The following CDS2 variants were observed in gnomAD, a reference collection of about 807,000 sequenced individuals.
CDS2 encodes phosphatidate cytidylyltransferase 2.
CDS2 carries 47 observed loss-of-function variants against 59.0 expected under a neutral mutation model. The ratio of observed to expected loss-of-function variants is 0.80; its 90% CI spans 0.63 to 1.02. CDS2 has a LOEUF of 1.02. Ranked by LOEUF, CDS2 falls within the 50% of genes least tolerant of loss-of-function variation. The pLI is 0.00. For missense variants in CDS2, 356 were observed against 558.9 expected (o/e 0.64, Z 3.66); for synonymous variants, 207 against 206.4 (o/e 1.00, Z -0.02).
chr20:5,149,789 C>T (rs967454671), intron 1 of CDS2, among the ~76,000 whole-genome samples: 9 of 152,002 alleles, frequency 5.9e-5, no homozygotes, highest in Non-Finnish European at 1.2e-4. Context: ...GATCTTGACT[C>T]ACTGCAACCT....
At position 5,190,277 on chromosome 20, in the gene CDS2, G is replaced by A. The variant is rs1465923664; in HGVS notation, c.*43G>A. Reference sequence around the variant, plus strand: ...GAGAACAGGAACAGAACTGAGCAGGGGCAGGTCTCCAAGGCAAGCCCAGCT... The same window carrying A: ...GAGAACAGGAACAGAACTGAGCAGGAGCAGGTCTCCAAGGCAAGCCCAGCT... On this transcript the variant is annotated 3_prime_UTR_variant, in exon 13 of 13. Transcript: ENST00000460006. 2 of 1,575,610 alleles carry A rather than the reference G, an allele frequency of 1.3e-6. No homozygotes were observed. The highest frequency in any genetic ancestry group is 1.3e-5 in the African/African-American group (1 of 74,228).
At chr20:5,169,965 G>A (rs1309707623) in intron 1 of CDS2, among the ~76,000 whole-genome samples, 2 of 152,160 alleles carry the variant, frequency 1.3e-5, no homozygotes, top group African/African-American at 4.8e-5. Context: ...GGTGTTTTAG[G>A]GTCTCGTGCT....
chr20:5,135,171 A>G (rs1170830550), intron 1 of CDS2, among the ~76,000 whole-genome samples: 2 of 152,104 alleles, frequency 1.3e-5, no homozygotes, highest in Non-Finnish European at 2.9e-5. Context: ...GGTTCAAGCG[A>G]TCTTCTCGCC....
intron 1 of CDS2, among the ~76,000 whole-genome samples, chr20:5,134,310 A>G (rs918373064): frequency 2.0e-5 from 3 of 152,154 alleles, no homozygotes; most frequent in African/African-American, 7.2e-5. Context: ...TCAGTATTCA[A>G]CGCTTCTCTT....
In CDS2 at chr20:5,189,141, T is replaced by TGGA; in HGVS notation, c.1060_1062dup (p.Gly354dup). On this transcript the variant is annotated inframe_insertion, in exon 11 of 13. Coordinates refer to ENST00000460006, the MANE Select transcript of CDS2 (RefSeq NM_003818.4). Reference sequence around the variant, plus strand: ...CCTTTGCCTCGCTCATTGGCCCCTTTGGAGGATTCTTCGCAAGTGGATTCA... The same window carrying TGGA: ...CCTTTGCCTCGCTCATTGGCCCCTTTGGAGGAGGATTCTTCGCAAGTGGATTCA... The TGGA allele has an allele frequency of 6.2e-7, 1 of 1,614,206 alleles. No homozygotes were observed. The highest frequency in any genetic ancestry group is 8.5e-7 in the Non-Finnish European group (1 of 1,180,032).
intron 1 of CDS2, among the ~76,000 whole-genome samples, chr20:5,132,890 C>T (rs563120901): frequency 3.9e-5 from 6 of 152,020 alleles, no homozygotes; most frequent in Non-Finnish European, 7.4e-5. Flanking sequence ...GAATTTTTAT[C>T]GGCCGGGCGC....
chr20:5,167,149 G>A (rs1422341785), intron 1 of CDS2, among the ~76,000 whole-genome samples: 1 of 152,182 alleles, frequency 6.6e-6, no homozygotes, highest in Non-Finnish European at 1.5e-5. Context: ...AGTCCCCTGT[G>A]GTCCTTTGTA....
chr20:5,176,264 A>G (rs2090994386), intron 3 of CDS2: 1 of 166,748 alleles, frequency 6.0e-6, no homozygotes, highest in African/African-American at 2.4e-5. Flanking sequence ...ACTTAAAAAA[A>G]AAATCCTTTT....
In CDS2 at chr20:5,192,660, A is replaced by G. The variant is rs2091125797; in HGVS notation, c.*2426A>G. ...TGGTCAGAAATAAAATGTGACTGCAACTGTGTGCCCTCCCTTGTCGTGAAT... is the reference window on the plus strand; with the variant it reads ...TGGTCAGAAATAAAATGTGACTGCAGCTGTGTGCCCTCCCTTGTCGTGAAT... On this transcript the variant is annotated 3_prime_UTR_variant, in exon 13 of 13. Coordinates refer to ENST00000460006, the MANE Select transcript of CDS2 (RefSeq NM_003818.4). The G allele has an allele frequency of 6.6e-6, 1 of 152,110 alleles. No individual in the cohort carries two copies. The highest frequency in any genetic ancestry group is 2.1e-4 in the South Asian group (1 of 4,828). The allele number at this position is 152,110 out of a possible 1,614,324, so 9.4% of individuals were successfully genotyped here. A position where few individuals can be genotyped will look rare whatever the true frequency, so the allele number is the denominator to read the frequency against.
chr20:5,127,712 T>A (rs1600457082), intron 1 of CDS2, among the ~76,000 whole-genome samples: 1 of 152,056 alleles, frequency 6.6e-6, no homozygotes, highest in Non-Finnish European at 1.5e-5. Flanking sequence ...GAGGGCGTCC[T>A]CCCGGTTGAT....
intron 1 of CDS2, among the ~76,000 whole-genome samples, chr20:5,127,636 A>C (rs917485470): frequency 1.3e-5 from 2 of 152,196 alleles, no homozygotes; most frequent in East Asian, 3.9e-4. Context: ...CTTCTTGGGC[A>C]TGAAATCATC....
At chr20:5,172,867 C>T (rs1248506721) in intron 1 of CDS2, among the ~76,000 whole-genome samples, 1 of 152,180 alleles carries the variant, frequency 6.6e-6, no homozygotes, top group South Asian at 2.1e-4. Flanking sequence ...TTGCTGCTGG[C>T]ATGGCTCTGG....
chr20:5,175,529 T>TGTG (rs1241616184), intron 3 of CDS2: 2 of 363,328 alleles, frequency 5.5e-6, no homozygotes, highest in Non-Finnish European at 1.0e-5. Context: ...CTTTATTGCC[T>TGTG]GTGATCCCAG....
chr20:5,139,253 C>G (rs1204063328), intron 1 of CDS2, among the ~76,000 whole-genome samples: 1 of 152,062 alleles, frequency 6.6e-6, no homozygotes, highest in Non-Finnish European at 1.5e-5. Flanking sequence ...GAGGCTAGAA[C>G]TTGGATTTGC....
At chr20:5,146,714 A>G (rs1186775204) in intron 1 of CDS2, among the ~76,000 whole-genome samples, 3 of 152,204 alleles carry the variant, frequency 2.0e-5, no homozygotes, top group African/African-American at 7.2e-5. Context: ...ACAAAATTTC[A>G]GGCTTTTATA....
chr20:5,138,607 TC>T (rs2090667234), intron 1 of CDS2, among the ~76,000 whole-genome samples: 1 of 151,380 alleles, frequency 6.6e-6, no homozygotes, highest in African/African-American at 2.4e-5. Context: ...TGCCTCAGCC[TC>T]CCAAGTAACT....
chr20:5,187,707 C>G (rs777255751), intron 10 of CDS2: 4 of 151,674 alleles, frequency 2.6e-5, no homozygotes, highest in Non-Finnish European at 5.9e-5. Flanking sequence ...ATGGCGAAAC[C>G]CCGTCTTTAC....
chr20:5,143,764 C>CTTT (rs1274506360), intron 1 of CDS2, among the ~76,000 whole-genome samples: 2 of 129,444 alleles, frequency 1.5e-5, no homozygotes, highest in African/African-American at 6.5e-5. Flanking sequence ...TTTTCTTCTT[C>CTTT]TTCTTTTTTT....
At chr20:5,130,420 C>A (rs1027771662) in intron 1 of CDS2, among the ~76,000 whole-genome samples, 3 of 152,108 alleles carry the variant, frequency 2.0e-5, no homozygotes, top group Admixed American at 2.0e-4. Flanking sequence ...CATTATGAAA[C>A]AAGAACTTTT....
Sources: allele counts gnomAD v4.1 joint callset (sites outside exome capture counted in the v4.1 genomes callset), GRCh38; gene constraint gnomAD v4.1.1; transcripts MANE v1.5; gene names NCBI Gene and HGNC (gene_info 2026-07-23, HGNC 2026-07-21).